The following CDK19 variants were observed in gnomAD, a reference collection of about 807,000 sequenced individuals.
CDK19 encodes the protein cyclin-dependent kinase 19.
CDK19 carries 20 observed loss-of-function variants against 68.3 expected under a neutral mutation model. The ratio of observed to expected loss-of-function variants is 0.29; its 90% confidence interval spans 0.21 to 0.43. CDK19 has a LOEUF of 0.43. CDK19 is among the 20% of genes least tolerant of loss of function. The pLI, the probability that CDK19 is intolerant of heterozygous loss-of-function variation, is 1.00. For missense variants in CDK19, 339 were observed against 623.5 expected, an observed-to-expected ratio of 0.54 and a Z score of 4.86; for synonymous variants, 221 against 222.8, an observed-to-expected ratio of 0.99 and a Z score of 0.07.
chr6:110,794,404 A>G (rs1583117349), intron 1 of CDK19, among the ~76,000 whole-genome samples: 2 of 112,302 alleles, frequency 1.8e-5, no homozygotes. Flanking sequence ...AGTAGTTTGA[A>G]ACTTTTTTTT....
chr6:110,689,937 C>G (rs1772831620), intron 2 of CDK19, among the ~76,000 whole-genome samples: 1 of 152,196 alleles, frequency 6.6e-6, no homozygotes, highest in South Asian at 2.1e-4. Flanking sequence ...TCCCGTGGGA[C>G]AAAATCATTG....
chr6:110,695,388 CCTAA>C (rs1284378930), intron 2 of CDK19, among the ~76,000 whole-genome samples: 2 of 152,050 alleles, frequency 1.3e-5, no homozygotes, highest in African/African-American at 4.8e-5. Context: ...GCATTAAATG[CCTAA>C]AAATGTCTGA....
chr6:110,787,358 A>G (rs564163795), intron 1 of CDK19, among the ~76,000 whole-genome samples: 46 of 148,714 alleles, frequency 3.1e-4, no homozygotes, highest in African/African-American at 1.1e-3. Context: ...TGGGTGACAG[A>G]GCAAGGCTCT....
intron 2 of CDK19, among the ~76,000 whole-genome samples, chr6:110,699,991 A>C (rs1475261646): frequency 6.6e-6 from 1 of 152,206 alleles, no homozygotes; most frequent in African/African-American, 2.4e-5. Context: ...GCGAAGCTTC[A>C]TCTGTATTTA....
chr6:110,757,525 A>G (rs1301179241), intron 1 of CDK19, among the ~76,000 whole-genome samples: 1 of 152,212 alleles, frequency 6.6e-6, no homozygotes, highest in South Asian at 2.1e-4. Flanking sequence ...TTAATTATGA[A>G]CCAGAATTTA....
intron 1 of CDK19, chr6:110,814,759 G>A (rs1003634277): frequency 1.4e-5 from 9 of 650,432 alleles, no homozygotes; most frequent in Admixed American, 4.2e-5. Flanking sequence ...CACTCGGAGG[G>A]CGCCCCTCTG....
At chr6:110,735,964 GGA>G (rs1266398501) in intron 2 of CDK19, among the ~76,000 whole-genome samples, 3 of 152,194 alleles carry the variant, frequency 2.0e-5, no homozygotes, top group Non-Finnish European at 2.9e-5. Flanking sequence ...GAGAATCTGA[GGA>G]ACCTGTGAAC....
intron 4 of CDK19, among the ~76,000 whole-genome samples, chr6:110,654,831 C>T (rs994354820): frequency 2.6e-5 from 4 of 151,902 alleles, no homozygotes; most frequent in African/African-American, 9.7e-5. Flanking sequence ...ATCCCAGCTA[C>T]TCGGGAGGCT....
chr6:110,718,324 G>A (rs929548660), intron 2 of CDK19, among the ~76,000 whole-genome samples: 1 of 152,098 alleles, frequency 6.6e-6, no homozygotes, highest in East Asian at 1.9e-4. Context: ...AGATGACGAC[G>A]CCTTAGGTGT....
chr6:110,642,361 T>C (rs1780258409), intron 4 of CDK19, among the ~76,000 whole-genome samples: 1 of 146,864 alleles, frequency 6.8e-6, no homozygotes, highest in East Asian at 2.1e-4. Context: ...CTTTTCACAC[T>C]ATCTTCTCAA....
intron 2 of CDK19, among the ~76,000 whole-genome samples, chr6:110,737,277 C>CT (rs1182614840): frequency 6.6e-6 from 1 of 152,146 alleles, no homozygotes; most frequent in African/African-American, 2.4e-5. Flanking sequence ...AAGCTGATAT[C>CT]TTTTTTCAAA....
At chr6:110,649,192 C>G (rs745853732) in intron 4 of CDK19, among the ~76,000 whole-genome samples, 16 of 151,744 alleles carry the variant, frequency 1.1e-4, no homozygotes, top group Admixed American at 3.3e-4. Flanking sequence ...ACAAATTGAT[C>G]AGTGGGATAG....
Position 110,614,351 on chromosome 6 carries a change from ATCT to A in CDK19, c.*181_*183del, listed in dbSNP as rs1373726225. 2.1e-6 allele frequency: 1 copy of A among 469,388 alleles called. No homozygotes were observed. Among genetic ancestry groups the A allele is most frequent in the Non-Finnish European group, 3.7e-6 (1 of 268,258 alleles). The allele number at this position is 469,388 out of a possible 1,614,324, so 29.1% of individuals were successfully genotyped here. A position where few individuals can be genotyped will look rare whatever the true frequency, so the allele number is the denominator to read the frequency against. Reference sequence around the variant, plus strand: ...GGGGTGCTGGGGAAACTTCACAAGAATCTTCTTTAAGTCAATAAAGAAGAGCTA... The same window carrying A: ...GGGGTGCTGGGGAAACTTCACAAGAATCTTTAAGTCAATAAAGAAGAGCTA... On this transcript the variant is annotated 3_prime_UTR_variant, in exon 13 of 13. Transcript: ENST00000368911.
intron 2 of CDK19, among the ~76,000 whole-genome samples, chr6:110,700,226 C>T (rs937312757): frequency 2.0e-5 from 3 of 152,180 alleles, no homozygotes; most frequent in Admixed American, 2.0e-4. Flanking sequence ...AGAGTTCCCA[C>T]TGATTACACA....
chr6:110,718,171 G>A (rs1775550178), intron 2 of CDK19, among the ~76,000 whole-genome samples: 1 of 152,120 alleles, frequency 6.6e-6, no homozygotes, highest in African/African-American at 2.4e-5. Context: ...TTTTGTTGGA[G>A]CAGCCCAAAT....
intron 1 of CDK19, among the ~76,000 whole-genome samples, chr6:110,771,862 T>C (rs1780035367): frequency 6.6e-6 from 1 of 152,218 alleles, no homozygotes; most frequent in South Asian, 2.1e-4. Context: ...GCCACCAGTC[T>C]CTTTGCTAAA....
intron 2 of CDK19, among the ~76,000 whole-genome samples, chr6:110,718,104 G>A (rs779874529): frequency 1.3e-5 from 2 of 152,064 alleles, no homozygotes; most frequent in East Asian, 1.9e-4. Flanking sequence ...CCAATCTGCC[G>A]GCACCTTGAT....
In CDK19 at chr6:110,815,384, C is replaced by T. The variant is rs973932777; in HGVS notation, c.-248G>A. 1.1e-5 allele frequency: 4 copies of T among 376,648 alleles called. No individual in the cohort carries two copies. The highest frequency in any genetic ancestry group is 1.9e-5 in the Non-Finnish European group (4 of 213,386). 23.3% of individuals were successfully genotyped at this position (376,648 alleles called of 1,614,324 possible). On this transcript the variant is annotated 5_prime_UTR_variant, in exon 1 of 13. Coordinates refer to ENST00000368911, the MANE Select transcript of CDK19 (RefSeq NM_015076.5). ...GCGGCGGCGGCTCCCGCAGGCACCC[C>T]CAGTCCCGCCTCCCTCCTTCATTTC...
intron 2 of CDK19, among the ~76,000 whole-genome samples, chr6:110,710,935 A>G (rs1272238968): frequency 6.6e-6 from 1 of 152,224 alleles, no homozygotes; most frequent in African/African-American, 2.4e-5. Flanking sequence ...AAAAACAACA[A>G]AAAGGGCAGA....
Sources: gnomAD v4.1 joint callset for allele counts (sites outside exome capture counted in the v4.1 genomes callset) on GRCh38, gnomAD v4.1.1 for gene constraint, MANE v1.5 for transcripts, NCBI Gene and HGNC (gene_info 2026-07-23, HGNC 2026-07-21) for gene names.